Variants in FSTL4 observed in about 807,000 individuals in gnomAD.
The protein encoded by FSTL4 is follistatin like 4, also known as follistatin-related protein 4.
A neutral mutation model predicts 78.2 loss-of-function variants in FSTL4; 28 were observed. The observed-to-expected ratio is 0.36, with a 90% CI of 0.27 to 0.49. FSTL4 has a LOEUF of 0.49. FSTL4 is among the 20% of genes least tolerant of loss of function. The probability of loss-of-function intolerance (pLI) is 0.98; values close to 1 mark genes in which losing one functional copy is unlikely to be tolerated. For missense variants in FSTL4, 922 were observed against 1,084.9 expected (o/e 0.85, Z 2.11); for synonymous variants, 422 against 440.5 (o/e 0.96, Z 0.53).
chr5:133,745,026 T>A, the FSTL4 span, among the ~76,000 whole-genome samples: 19,314 of 152,214 alleles, frequency 0.13, 1,412 homozygotes, highest in Admixed American at 0.17. Context: ...TTTTCAGGAA[T>A]GAGGAGCCGG....
At chr5:133,489,377 T>C (rs1295667850) in intron 3 of FSTL4, among the ~76,000 whole-genome samples, 3 of 152,192 alleles carry the variant, frequency 2.0e-5, no homozygotes, top group Non-Finnish European at 4.4e-5. Context: ...TGCAAGTGAC[T>C]TCCATTGCCA....
chr5:133,365,117 A>T (rs1755156993), intron 4 of FSTL4, among the ~76,000 whole-genome samples: 1 of 152,030 alleles, frequency 6.6e-6, no homozygotes, highest in South Asian at 2.1e-4. Flanking sequence ...TTGTTTGTGG[A>T]ACTCTGTAGT....
At chr5:133,466,970 ATG>A (rs1172518025) in intron 3 of FSTL4, among the ~76,000 whole-genome samples, 14 of 123,872 alleles carry the variant, frequency 1.1e-4, no homozygotes, top group East Asian at 2.0e-4. Flanking sequence ...ATGTGTGTGT[ATG>A]TGTATGAGTG....
At chr5:133,740,994 T>C in the FSTL4 span, among the ~76,000 whole-genome samples, 2 of 151,958 alleles carry the variant, frequency 1.3e-5, no homozygotes, top group Non-Finnish European at 2.9e-5. Flanking sequence ...GGTGAATGGA[T>C]GAATGAATTG....
chr5:133,221,422 C>G (rs1751100170), intron 11 of FSTL4, among the ~76,000 whole-genome samples: 1 of 151,286 alleles, frequency 6.6e-6, no homozygotes, highest in East Asian at 1.9e-4. Context: ...CACCGCCCCC[C>G]ACCGTTTCTC....
chr5:133,219,580 G>A (rs73273871), intron 12 of FSTL4, among the ~76,000 whole-genome samples: 2,755 of 152,286 alleles, frequency 0.018, 82 homozygotes, highest in African/African-American at 0.059. Flanking sequence ...AGCCCTTCAG[G>A]AAGAGGCTTG....
At chr5:133,415,981 G>C (rs980528683) in intron 3 of FSTL4, among the ~76,000 whole-genome samples, 1 of 152,182 alleles carries the variant, frequency 6.6e-6, no homozygotes, top group Non-Finnish European at 1.5e-5. Context: ...CTTTCAGAGA[G>C]AATCTGCAAG....
At chr5:133,357,172 G>C (rs1266085412) in intron 4 of FSTL4, among the ~76,000 whole-genome samples, 2 of 152,212 alleles carry the variant, frequency 1.3e-5, no homozygotes. Flanking sequence ...CAGCATGTTT[G>C]AGATTTGGTG....
chr5:133,225,817 G>C lies in FSTL4; in HGVS notation c.1018C>G (p.Pro340Ala). 6.4e-7 allele frequency: 1 copy of C among 1,573,036 alleles called. No homozygotes were observed. The highest frequency in any genetic ancestry group is 8.6e-7 in the Non-Finnish European group (1 of 1,160,652). ...TCTGGATAGACACGGATGACTGGCG[G>C]CACTGTGGGTGAGAGTCAGTGCTGG... is the stretch of plus-strand genomic sequence containing the variant. The part of the protein sequence containing the change: ...FQTHVLQVNV[P>A]PVIRVYPESQ... The change falls in exon 9 of 16, where the codon CCG (proline) becomes GCG (alanine). Residue 340 changes from proline to alanine, a missense_variant and splice_region_variant. Coordinates refer to ENST00000265342, the MANE Select transcript of FSTL4 (RefSeq NM_015082.2). This position sits in a 1 kb window ranked among gnomAD's most constrained non-coding sequence, Gnocchi z 4.6.
chr5:133,352,783 CCTT>C (rs1328360293), intron 4 of FSTL4, among the ~76,000 whole-genome samples: 7 of 152,230 alleles, frequency 4.6e-5, no homozygotes, highest in Non-Finnish European at 1.0e-4. Flanking sequence ...GACAGGAACT[CCTT>C]CTTTTTTATG....
At chr5:133,823,610 G>A in the FSTL4 span, among the ~76,000 whole-genome samples, 12 of 152,278 alleles carry the variant, frequency 7.9e-5, no homozygotes, top group South Asian at 2.5e-3. Flanking sequence ...GAGTGCCCCT[G>A]TCTCCTTCCC....
chr5:133,808,323 G>A, the FSTL4 span, among the ~76,000 whole-genome samples: 1 of 152,202 alleles, frequency 6.6e-6, no homozygotes, highest in Non-Finnish European at 1.5e-5. Flanking sequence ...CAGAGGAGGA[G>A]AGTGTCCCAG....
chr5:133,465,430 A>G (rs1270183673), intron 3 of FSTL4, among the ~76,000 whole-genome samples: 1 of 152,198 alleles, frequency 6.6e-6, no homozygotes, highest in African/African-American at 2.4e-5. Context: ...TTCCCCCCAA[A>G]TAGAGAATAA....
chr5:133,624,565 T>A, the FSTL4 span, among the ~76,000 whole-genome samples: 5 of 151,874 alleles, frequency 3.3e-5, no homozygotes, highest in Non-Finnish European at 7.4e-5. Context: ...TTGTTCATTT[T>A]AAAATGGTTA....
chr5:133,534,289 T>C (rs1329361177), intron 3 of FSTL4, among the ~76,000 whole-genome samples: 1 of 152,148 alleles, frequency 6.6e-6, no homozygotes, highest in East Asian at 1.9e-4. Context: ...TAAGAAAAGG[T>C]CAGTAAGAAA....
At chr5:133,511,495 C>A (rs1412853504) in intron 3 of FSTL4, among the ~76,000 whole-genome samples, 1 of 152,156 alleles carries the variant, frequency 6.6e-6, no homozygotes, top group Admixed American at 6.5e-5. Flanking sequence ...ATATTTTGTA[C>A]CCCACAACTT....
At chr5:133,337,860 T>C (rs1291586566) in intron 4 of FSTL4, among the ~76,000 whole-genome samples, 1 of 152,182 alleles carries the variant, frequency 6.6e-6, no homozygotes, top group Non-Finnish European at 1.5e-5. Context: ...TGGAGTTGAT[T>C]TGACTTTTAA....
intron 3 of FSTL4, among the ~76,000 whole-genome samples, chr5:133,470,440 GAAAATTAAAAGCAT>G (rs1757796689): frequency 6.6e-6 from 1 of 152,184 alleles, no homozygotes; most frequent in Non-Finnish European, 1.5e-5. Flanking sequence ...AAGTGTGCTT[GAAAATTAAAAGCAT>G]GAGTCTTAGG....
chr5:133,201,821 A>G (rs962148576), intron 15 of FSTL4, 112 bp downstream of exon 15: 4 of 618,976 alleles, frequency 6.5e-6, no homozygotes, highest in Non-Finnish European at 1.2e-5. Flanking sequence ...CAAATCCAGC[A>G]TGGGAGTGGA....
Sources: gnomAD v4.1 joint callset for allele counts (sites outside exome capture counted in the v4.1 genomes callset) on GRCh38, gnomAD v4.1.1 for gene constraint, Gnocchi (gnomAD v3.1) non-coding constraint, MANE v1.5 for transcripts, NCBI Gene and HGNC (gene_info 2026-07-23, HGNC 2026-07-21) for gene names.